The following SPTBN1 variants were observed in gnomAD, a reference collection of about 807,000 sequenced individuals.
SPTBN1 encodes the protein spectrin beta, non-erythrocytic 1, also known as spectrin beta chain, non-erythrocytic 1.
SPTBN1 carries 32 observed loss-of-function variants against 266.4 expected under a neutral mutation model. That is an observed-to-expected ratio of 0.12 (90% CI 0.09 to 0.16). The LOEUF is 0.16. SPTBN1 is among the 10% of genes least tolerant of loss of function. The probability of loss-of-function intolerance (pLI) is 1.00; values close to 1 mark genes in which losing one functional copy is unlikely to be tolerated. For synonymous variants in SPTBN1, 1,336 were observed against 1,162.2 expected, an observed-to-expected ratio of 1.15 and a Z score of -3.04; for missense variants, 2,296 against 3,067.1, an observed-to-expected ratio of 0.75 and a Z score of 5.94.
chr2:54,542,377 G>A (rs1292064862), intron 2 of SPTBN1, among the ~76,000 whole-genome samples: 1 of 152,236 alleles, frequency 6.6e-6, no homozygotes, highest in Non-Finnish European at 1.5e-5. Flanking sequence ...GAGGAGTGCC[G>A]TGGTGCCAAA....
chr2:54,572,378 A>G (rs918075128), intron 2 of SPTBN1, among the ~76,000 whole-genome samples: 1 of 152,222 alleles, frequency 6.6e-6, no homozygotes, highest in African/African-American at 2.4e-5. Flanking sequence ...GCTTATTCAG[A>G]TTTTTATGTT....
intron 2 of SPTBN1, among the ~76,000 whole-genome samples, chr2:54,583,312 CT>C (rs1675073022): frequency 6.6e-6 from 1 of 152,164 alleles, no homozygotes; most frequent in Admixed American, 6.5e-5. Flanking sequence ...TAAACTCTTT[CT>C]GCTTCTGCGT....
intron 17 of SPTBN1, 99 bp from the exon 18 acceptor site, chr2:54,637,614 A>T: frequency 1.1e-6 from 1 of 949,940 alleles, no homozygotes; most frequent in Non-Finnish European, 1.6e-6. Flanking sequence ...AACTCTTTTT[A>T]GCATAGTTAG....
At chr2:54,586,182 G>A (rs1047472111) in intron 2 of SPTBN1, among the ~76,000 whole-genome samples, 21 of 152,274 alleles carry the variant, frequency 1.4e-4, no homozygotes, top group African/African-American at 3.6e-4. Context: ...AACACACATT[G>A]GTAGTCCGTG....
At chr2:54,633,936 T>C (rs1006770637) in intron 17 of SPTBN1, among the ~76,000 whole-genome samples, 44 of 152,198 alleles carry the variant, frequency 2.9e-4, no homozygotes, top group Admixed American at 2.6e-3. Flanking sequence ...AGAGAATAAC[T>C]TATGTTAATT....
chr2:54,631,652 A>G (rs201598317), intron 16 of SPTBN1, 41 bp downstream of exon 16: 1 of 1,575,208 alleles, frequency 6.3e-7, no homozygotes, highest in African/African-American at 1.3e-5. Flanking sequence ...CGGTGAAAGC[A>G]GCCCTGGCTG....
chr2:54,607,705 T>G (rs1460239969), intron 3 of SPTBN1, among the ~76,000 whole-genome samples: 1 of 152,188 alleles, frequency 6.6e-6, no homozygotes, highest in Non-Finnish European at 1.5e-5. Context: ...TATAAGCGAC[T>G]TGAGCATTTA....
chr2:54,506,719 C>T (rs1030258719), intron 1 of SPTBN1, among the ~76,000 whole-genome samples: 2 of 151,988 alleles, frequency 1.3e-5, no homozygotes, highest in Non-Finnish European at 2.9e-5. Context: ...TACTTTCAGG[C>T]AAGATAGTCA....
intron 32 of SPTBN1, 153 bp downstream of exon 32, chr2:54,660,152 A>C: frequency 6.5e-7 from 1 of 1,539,544 alleles, no homozygotes; most frequent in Non-Finnish European, 8.8e-7. Context: ...TTTGGCTTCC[A>C]CTTCACCCAA....
chr2:54,642,807 C>T (rs76447241), intron 18 of SPTBN1, among the ~76,000 whole-genome samples, 176 bp from the exon 19 acceptor site: 7 of 152,258 alleles, frequency 4.6e-5, no homozygotes, highest in Non-Finnish European at 1.0e-4. Flanking sequence ...GGTACAAGCT[C>T]CATCTAATGG....
At chr2:54,513,534 A>G (rs1291279527) in intron 1 of SPTBN1, among the ~76,000 whole-genome samples, 3 of 152,170 alleles carry the variant, frequency 2.0e-5, no homozygotes, top group Non-Finnish European at 4.4e-5. Flanking sequence ...GAAATTCAGG[A>G]CTGGTATTTT....
chr2:54,564,929 C>T (rs574647234), intron 2 of SPTBN1, among the ~76,000 whole-genome samples: 11 of 152,256 alleles, frequency 7.2e-5, no homozygotes, highest in Middle Eastern at 3.4e-3. Flanking sequence ...ACATACAAGC[C>T]GCTAAATATT....
chr2:54,642,393 G>C (rs1572737131), intron 18 of SPTBN1, among the ~76,000 whole-genome samples: 2 of 152,098 alleles, frequency 1.3e-5, no homozygotes, highest in East Asian at 3.8e-4. Context: ...TAGAAAAAGA[G>C]GTGAAGGTGA....
intron 24 of SPTBN1, among the ~76,000 whole-genome samples, chr2:54,648,053 G>C (rs956100460): frequency 2.0e-5 from 3 of 152,206 alleles, no homozygotes. Context: ...TCGATATCAA[G>C]TGATTAGAAC....
At chr2:54,467,599 G>A (rs1282123967) in intron 1 of SPTBN1, among the ~76,000 whole-genome samples, 1 of 152,124 alleles carries the variant, frequency 6.6e-6, no homozygotes, top group Non-Finnish European at 1.5e-5. Context: ...TGGCCAGACT[G>A]GTCTCGAACT....
intron 1 of SPTBN1, among the ~76,000 whole-genome samples, chr2:54,486,053 A>T (rs1332545892): frequency 1.3e-5 from 2 of 150,666 alleles, no homozygotes; most frequent in Admixed American, 6.6e-5. Context: ...CTGGGAAGTG[A>T]GGAGCCCCTC....
At chr2:54,655,229 G>A (rs905044854) in intron 28 of SPTBN1, 21 bp downstream of exon 28, 1 of 1,607,488 alleles carries the variant, frequency 6.2e-7, no homozygotes, top group Non-Finnish European at 8.5e-7. Flanking sequence ...ACTTTGCTTT[G>A]GAGCTGCAGC....
chr2:54,660,026 A>C, intron 32 of SPTBN1, 27 bp downstream of exon 32: 2 of 1,614,214 alleles, frequency 1.2e-6, no homozygotes, highest in South Asian at 2.2e-5. Flanking sequence ...AAACCTACCA[A>C]AACTACAAAA....
chr2:54,563,686 C>T lies in SPTBN1; in HGVS notation c.149-35406C>T, dbSNP rs1273790912. Among the ~76,000 whole-genome samples, 5 of 142,664 alleles carry T rather than the reference C, an allele frequency of 3.5e-5. No individual in the cohort carries two copies. In the East Asian group the frequency reaches 1.1e-3, roughly 30 times the overall value. The allele number at this position is 142,664 out of a possible 152,430, so 93.6% of individuals were successfully genotyped here. On this transcript the variant is annotated intron_variant, in intron 2 of 35. Coordinates refer to ENST00000356805, the MANE Select transcript of SPTBN1 (RefSeq NM_003128.3). ...TGGCGCGATCTCGGCTCACTGCAAC[C>T]TCTGCCTTCCGGGTTCAAGCGATTC... is the stretch of plus-strand genomic sequence containing the variant.
Sources: gnomAD v4.1 joint callset for allele counts (sites outside exome capture counted in the v4.1 genomes callset) on GRCh38, gnomAD v4.1.1 for gene constraint, MANE v1.5 for transcripts, NCBI Gene and HGNC (gene_info 2026-07-23, HGNC 2026-07-21) for gene names.